Variants in HCN1 observed in about 807,000 individuals in gnomAD.
The protein encoded by HCN1 is hyperpolarization activated cyclic nucleotide gated potassium channel 1, also known as potassium/sodium hyperpolarization-activated cyclic nucleotide-gated channel 1.
A neutral mutation model predicts 78.9 loss-of-function variants in HCN1; 13 were observed. The observed-to-expected ratio is 0.16, with a 90% CI of 0.11 to 0.26. The LOEUF (loss-of-function observed/expected upper bound fraction) is 0.26, where lower values mean the gene tolerates loss of function less well. Ranked by LOEUF, HCN1 falls within the 10% of genes least tolerant of loss-of-function variation. The pLI, the probability that HCN1 is intolerant of heterozygous loss-of-function variation, is 1.00. For synonymous variants in HCN1, 552 were observed against 455.5 expected (o/e 1.21, Z -2.70); for missense variants, 810 against 1,154.3 (o/e 0.70, Z 4.32).
intron 4 of HCN1, among the ~76,000 whole-genome samples, chr5:45,371,605 A>C (rs983155424): frequency 1.1e-4 from 16 of 150,974 alleles, no homozygotes; most frequent in African/African-American, 3.9e-4. Context: ...AAAAACATAA[A>C]AATTGGCTGG....
intron 2 of HCN1, among the ~76,000 whole-genome samples, chr5:45,636,647 A>C (rs1427926894): frequency 6.6e-6 from 1 of 152,162 alleles, no homozygotes; most frequent in Non-Finnish European, 1.5e-5. Context: ...CAGGAGTTCC[A>C]GACCAGCCAG....
intron 6 of HCN1, among the ~76,000 whole-genome samples, chr5:45,301,756 C>T (rs1311228681): frequency 6.6e-6 from 1 of 150,390 alleles, no homozygotes; most frequent in East Asian, 2.0e-4. Flanking sequence ...AAAAGCATTT[C>T]CATTATTTCC....
At chr5:45,684,077 T>C (rs994687504) in intron 1 of HCN1, among the ~76,000 whole-genome samples, 3 of 152,204 alleles carry the variant, frequency 2.0e-5, no homozygotes, top group Admixed American at 6.5e-5. Flanking sequence ...CAATATTAGA[T>C]AGTTCAGGAA....
chr5:45,610,046 A>G (rs1744803603), intron 2 of HCN1, among the ~76,000 whole-genome samples: 1 of 152,208 alleles, frequency 6.6e-6, no homozygotes, highest in Non-Finnish European at 1.5e-5. Flanking sequence ...CGCAGAAGAT[A>G]GTAACTCATG....
chr5:45,637,186 T>A lies in HCN1; in HGVS notation c.849+7999A>T, dbSNP rs2112020131. 1.3e-5 allele frequency among the ~76,000 whole-genome samples: 2 copies of A among 152,288 alleles called. 1 individual carries two copies. ...GGTCATATAGTTTCACACTTAGGTA[T>A]GAAAGTGGCCATATTTAGTGTGCTT... On this transcript the variant is annotated intron_variant, in intron 2 of 7. Coordinates refer to ENST00000303230, the MANE Select transcript of HCN1 (RefSeq NM_021072.4).
rs542991432 is a variant in HCN1 at position 45,584,995 on chromosome 5, C to A, written c.849+60190G>T. On this transcript the variant is annotated intron_variant, in intron 2 of 7. Transcript: ENST00000303230. The stretch of plus-strand genomic sequence containing the variant: ...TTCATTTCAACTTTGGTGAATCCGA[C>A]AATTATGTGTCTTGGAGTTGCTCTT... Among the ~76,000 whole-genome samples, 11 of 152,244 alleles carry A rather than the reference C, an allele frequency of 7.2e-5. No individual in the cohort carries two copies. The South Asian group carries it at 2.3e-3, about 32-fold the overall frequency.
chr5:45,338,593 T>C (rs1746511505), intron 5 of HCN1, among the ~76,000 whole-genome samples: 1 of 151,122 alleles, frequency 6.6e-6, no homozygotes, highest in African/African-American at 2.5e-5. Flanking sequence ...GTCTTCTATG[T>C]GCCAGGCACT....
At chr5:45,311,403 T>A (rs1319592234) in intron 5 of HCN1, among the ~76,000 whole-genome samples, 1 of 152,184 alleles carries the variant, frequency 6.6e-6, no homozygotes, top group East Asian at 1.9e-4. Flanking sequence ...CTGGTTCAAT[T>A]TCTTCTTACT....
At chr5:45,512,153 T>C (rs1163215838) in intron 2 of HCN1, among the ~76,000 whole-genome samples, 1 of 152,084 alleles carries the variant, frequency 6.6e-6, no homozygotes, top group Non-Finnish European at 1.5e-5. Flanking sequence ...CAAAACCCTA[T>C]TTTAACTCTC....
At chr5:45,297,396 GAT>G (rs1561093456) in intron 6 of HCN1, among the ~76,000 whole-genome samples, 1 of 152,086 alleles carries the variant, frequency 6.6e-6, no homozygotes, top group African/African-American at 2.4e-5. Flanking sequence ...GTGCTGCAGA[GAT>G]TTCGTTTATG....
At chr5:45,417,751 C>CAAAAAAAAAAAA (rs1212611466) in intron 3 of HCN1, among the ~76,000 whole-genome samples, 2 of 14,804 alleles carry the variant, frequency 1.4e-4, no homozygotes, top group African/African-American at 1.9e-4. Context: ...TGTAGAGAGA[C>CAAAAAAAAAAAA]AAAAAAAAAA....
In HCN1 at chr5:45,416,029, A is replaced by T. The variant is rs192385470; in HGVS notation, c.1012-19319T>A. Among the ~76,000 whole-genome samples, 5 of 152,146 alleles carry T rather than the reference A, an allele frequency of 3.3e-5. No homozygotes were observed. The East Asian group carries it at 9.6e-4, about 29-fold the overall frequency. Reference sequence around the variant, plus strand: ...CTTAAGATTCAGGGTATTTCTAACTATGGTTGAAATGTGAACTTTAAATTT... The same window carrying T: ...CTTAAGATTCAGGGTATTTCTAACTTTGGTTGAAATGTGAACTTTAAATTT... On this transcript the variant is annotated intron_variant, in intron 3 of 7. Coordinates refer to ENST00000303230, the MANE Select transcript of HCN1 (RefSeq NM_021072.4).
chr5:45,655,282 A>C (rs546986653), intron 1 of HCN1, among the ~76,000 whole-genome samples: 1 of 152,122 alleles, frequency 6.6e-6, no homozygotes, highest in African/African-American at 2.4e-5. Flanking sequence ...GCTAATAGAC[A>C]CTTTAAAGAC....
chr5:45,616,073 G>GAA (rs759056571), intron 2 of HCN1, among the ~76,000 whole-genome samples: 23 of 129,146 alleles, frequency 1.8e-4, no homozygotes, highest in Admixed American at 3.1e-4. Context: ...TGTTTTTCTT[G>GAA]AAAAAAAAAA....
chr5:45,492,942 C>A (rs1313881780), intron 2 of HCN1, among the ~76,000 whole-genome samples: 2 of 151,976 alleles, frequency 1.3e-5, no homozygotes, highest in African/African-American at 4.8e-5. Context: ...CAAGCTGGGA[C>A]CTTCATACAA....
At chr5:45,338,547 C>G (rs1247336547) in intron 5 of HCN1, among the ~76,000 whole-genome samples, 1 of 152,016 alleles carries the variant, frequency 6.6e-6, no homozygotes. Flanking sequence ...TCTGGATATC[C>G]TAGTTCACTC....
At chr5:45,654,071 A>T (rs541999890) in intron 1 of HCN1, among the ~76,000 whole-genome samples, 1 of 152,270 alleles carries the variant, frequency 6.6e-6, no homozygotes, top group African/African-American at 2.4e-5. Flanking sequence ...GACAACAAGA[A>T]CAAAGATATC....
At chr5:45,693,261 A>G (rs989457543) in intron 1 of HCN1, among the ~76,000 whole-genome samples, 1 of 152,246 alleles carries the variant, frequency 6.6e-6, no homozygotes, top group Non-Finnish European at 1.5e-5. Flanking sequence ...CATACAAAAA[A>G]ATGAAACAAT....
At chr5:45,566,209 A>G (rs1406672335) in intron 2 of HCN1, among the ~76,000 whole-genome samples, 2 of 152,116 alleles carry the variant, frequency 1.3e-5, no homozygotes, top group Non-Finnish European at 2.9e-5. Context: ...TTATATGCAT[A>G]TTTGATTTCC....
Sources: allele counts gnomAD v4.1 joint callset (sites outside exome capture counted in the v4.1 genomes callset), GRCh38; gene constraint gnomAD v4.1.1; transcripts MANE v1.5; gene names NCBI Gene and HGNC (gene_info 2026-07-23, HGNC 2026-07-21).